Variants in INSL6 observed in about 807,000 individuals in gnomAD.
The protein encoded by INSL6 is insulin like 6, also known as insulin-like peptide INSL6.
Under a neutral mutation model 9.4 loss-of-function variants are expected in INSL6, and 16 were observed. That is an observed-to-expected ratio of 1.70 (90% CI 1.15 to 2.59). The LOEUF (loss-of-function observed/expected upper bound fraction) is 2.59, where lower values mean the gene tolerates loss of function less well. Ranked by LOEUF, INSL6 falls within the 30% of genes most tolerant of loss-of-function variation. The pLI, the probability that INSL6 is intolerant of heterozygous loss-of-function variation, is 0.00. For missense variants in INSL6, 391 were observed against 257.3 expected, an observed-to-expected ratio of 1.52 and a Z score of -3.56; for synonymous variants, 154 against 96.9, an observed-to-expected ratio of 1.59 and a Z score of -3.46.
At chr9:5,079,841 G>A in the INSL6 span, among the ~76,000 whole-genome samples, 1 of 149,998 alleles carries the variant, frequency 6.7e-6, no homozygotes, top group East Asian at 1.9e-4. Flanking sequence ...TTTTTTTTTT[G>A]AAGGTAAAAC....
At chr9:5,156,284 T>C (rs1466312291) in intron 2 of INSL6, among the ~76,000 whole-genome samples, 2 of 152,202 alleles carry the variant, frequency 1.3e-5, no homozygotes, top group African/African-American at 2.4e-5. Flanking sequence ...CATATAATCC[T>C]AAACAGATTC....
At chr9:5,126,641 C>G (rs1379526987) in intron 3 of INSL6, 4 of 1,340,824 alleles carry the variant, frequency 3.0e-6, no homozygotes, top group Admixed American at 1.8e-5. Flanking sequence ...TAAAAGATGG[C>G]CCTTAGTGTT....
At chr9:5,021,443 G>A in the INSL6 span, among the ~76,000 whole-genome samples, 1 of 152,186 alleles carries the variant, frequency 6.6e-6, no homozygotes, top group Non-Finnish European at 1.5e-5. Flanking sequence ...GTTGTTAACT[G>A]GAATTTTATA....
the INSL6 span, among the ~76,000 whole-genome samples, chr9:5,043,998 C>T: frequency 5.3e-5 from 8 of 152,190 alleles, no homozygotes; most frequent in South Asian, 2.1e-4. Context: ...ATAGAGTGTT[C>T]TTTGTTTCTC....
chr9:5,087,264 G>A, the INSL6 span, among the ~76,000 whole-genome samples: 1 of 152,182 alleles, frequency 6.6e-6, no homozygotes, highest in Non-Finnish European at 1.5e-5. Flanking sequence ...CCTCTTCACA[G>A]GGCAGCAGGA....
chr9:5,085,118 G>C, the INSL6 span: 1 of 651,024 alleles, frequency 1.5e-6, no homozygotes, highest in East Asian at 3.6e-5. Context: ...TAGGTTGTTT[G>C]TTTTACACCA....
the INSL6 span, among the ~76,000 whole-genome samples, chr9:5,027,542 A>G: frequency 1.7e-3 from 254 of 152,308 alleles, 3 homozygotes; most frequent in Non-Finnish European, 2.0e-3. Flanking sequence ...ATCTTAAAAT[A>G]AGACAATGAA....
At chr9:5,055,824 T>G in the INSL6 span, 75 of 1,566,904 alleles carry the variant, frequency 4.8e-5, 1 homozygote, top group African/African-American at 9.6e-4. Flanking sequence ...TGGTTTCATT[T>G]TATAGTTCTC....
At chr9:5,069,624 T>G in the INSL6 span, among the ~76,000 whole-genome samples, 8 of 152,164 alleles carry the variant, frequency 5.3e-5, no homozygotes, top group Non-Finnish European at 4.4e-5. Context: ...TCCTGAAAAA[T>G]TGTATGAGTT....
At chr9:5,020,253 G>C in the INSL6 span, among the ~76,000 whole-genome samples, 1 of 152,194 alleles carries the variant, frequency 6.6e-6, no homozygotes, top group African/African-American at 2.4e-5. Flanking sequence ...GGTAGTGGCA[G>C]GTTGGGTGGG....
chr9:4,999,754 C>A, the INSL6 span, among the ~76,000 whole-genome samples: 1 of 152,166 alleles, frequency 6.6e-6, no homozygotes, highest in Non-Finnish European at 1.5e-5. Context: ...TGGTGTACAT[C>A]ATTTTTAATA....
the INSL6 span, chr9:5,050,946 C>G: frequency 1.2e-6 from 1 of 843,708 alleles, no homozygotes; most frequent in African/African-American, 1.8e-5. Flanking sequence ...GTTAAGTACT[C>G]CTTATCTAAA....
intron 3 of INSL6, among the ~76,000 whole-genome samples, chr9:5,128,368 T>C (rs1824140365): frequency 6.6e-6 from 1 of 151,794 alleles, no homozygotes; most frequent in Non-Finnish European, 1.5e-5. Flanking sequence ...TTTAAAAAGA[T>C]TTTAGATTTT....
chr9:5,058,801 C>T, the INSL6 span, among the ~76,000 whole-genome samples: 6 of 152,172 alleles, frequency 3.9e-5, no homozygotes, highest in Admixed American at 6.5e-5. Context: ...TGTTGCTGAG[C>T]GTCTTTTCAT....
the INSL6 span, among the ~76,000 whole-genome samples, chr9:5,027,582 G>A: frequency 5.2e-4 from 79 of 152,170 alleles, no homozygotes; most frequent in African/African-American, 1.7e-3. Context: ...TCTTCCTTTC[G>A]TGAAAGATGT....
chr9:5,023,864 T>A, the INSL6 span, among the ~76,000 whole-genome samples: 1 of 152,190 alleles, frequency 6.6e-6, no homozygotes, highest in African/African-American at 2.4e-5. Flanking sequence ...CTCTGATCCT[T>A]TAGCTTATAG....
the INSL6 span, chr9:5,055,026 C>A: frequency 1.9e-6 from 1 of 530,206 alleles, no homozygotes; most frequent in Non-Finnish European, 3.2e-6. Flanking sequence ...GTGAACCTAT[C>A]AAGGTCATAT....
the INSL6 span, among the ~76,000 whole-genome samples, chr9:5,010,734 A>G: frequency 2.6e-5 from 4 of 152,136 alleles, no homozygotes; most frequent in Admixed American, 1.3e-4. Context: ...TTTACATGTA[A>G]TATTTCCTTT....
chr9:5,035,806 T>C, the INSL6 span, among the ~76,000 whole-genome samples: 1 of 152,190 alleles, frequency 6.6e-6, no homozygotes, highest in African/African-American at 2.4e-5. Flanking sequence ...AAGCATTCCC[T>C]TTGAAAACTG....
Sources: gnomAD v4.1 joint callset for allele counts (sites outside exome capture counted in the v4.1 genomes callset) on GRCh38, gnomAD v4.1.1 for gene constraint, MANE v1.5 for transcripts, NCBI Gene and HGNC (gene_info 2026-07-23, HGNC 2026-07-21) for gene names.